ADIPOR2: variants seen among roughly 807,000 people sequenced by gnomAD.
ADIPOR2 encodes the protein adiponectin receptor protein 2.
Under a neutral mutation model 40.9 loss-of-function variants are expected in ADIPOR2, and 18 were observed. That is an observed-to-expected ratio of 0.44 (90% CI 0.30 to 0.65). The LOEUF (loss-of-function observed/expected upper bound fraction) is 0.65, where lower values mean the gene tolerates loss of function less well. ADIPOR2 is among the 30% of genes least tolerant of loss of function. ADIPOR2 has a pLI of 0.09. For missense variants in ADIPOR2, 283 were observed against 479.2 expected (o/e 0.59, Z 3.82); for synonymous variants, 165 against 166.4 (o/e 0.99, Z 0.06).
intron 1 of ADIPOR2, among the ~76,000 whole-genome samples, chr12:1,726,459 A>G (rs910868524): frequency 6.6e-6 from 1 of 152,178 alleles, no homozygotes; most frequent in South Asian, 2.1e-4. Flanking sequence ...TGGCCTCCCA[A>G]AGTGCTGGGA....
At chr12:1,698,206 TTGTGTGTGTG>T (rs35927419) in intron 1 of ADIPOR2, among the ~76,000 whole-genome samples, 39 of 148,210 alleles carry the variant, frequency 2.6e-4, no homozygotes, top group Admixed American at 6.1e-4. Context: ...TCTTGGCTGA[TTGTGTGTGTG>T]TGTGTGTGTG....
chr12:1,752,230 CTTTTTTTT>C (rs67598229), intron 1 of ADIPOR2, among the ~76,000 whole-genome samples: 3 of 74,864 alleles, frequency 4.0e-5, no homozygotes, highest in African/African-American at 1.7e-4. Context: ...CTCCTGGCCT[CTTTTTTTT>C]TTTTTTTTTT....
At chr12:1,725,462 C>G (rs560403459) in intron 1 of ADIPOR2, among the ~76,000 whole-genome samples, 139 of 152,194 alleles carry the variant, frequency 9.1e-4, no homozygotes, top group African/African-American at 3.3e-3. Flanking sequence ...AATCAATTCC[C>G]TGAAAAACTG....
chr12:1,693,926 G>T (rs1051392599), intron 1 of ADIPOR2, among the ~76,000 whole-genome samples: 1 of 152,118 alleles, frequency 6.6e-6, no homozygotes, highest in Non-Finnish European at 1.5e-5. Context: ...CTAGAAAGGG[G>T]CTTATGAACC....
intron 1 of ADIPOR2, 98 bp from the exon 2 acceptor site, chr12:1,754,160 G>A: frequency 4.3e-6 from 2 of 460,988 alleles, no homozygotes; most frequent in Non-Finnish European, 7.3e-6. Flanking sequence ...TTTTATTATT[G>A]ATTGCTGAGT....
At chr12:1,725,388 G>A (rs972473178) in intron 1 of ADIPOR2, among the ~76,000 whole-genome samples, 7 of 152,102 alleles carry the variant, frequency 4.6e-5, no homozygotes, top group African/African-American at 1.7e-4. Flanking sequence ...CCAAAGTGCT[G>A]GGATTACAGG....
In ADIPOR2 at chr12:1,729,572, CAA is replaced by C. The variant is rs527320766; in HGVS notation, c.-86-24684_-86-24683del. 3.4e-3 allele frequency among the ~76,000 whole-genome samples: 486 copies of C among 144,828 alleles called. 4 individuals carry two copies. The highest frequency in any genetic ancestry group is 9.7e-3 in the South Asian group (44 of 4,556). ...AAGTGATTCTCCTGCATTGACCTCC[CAA>C]AGTGTTGGGATTACAGGCATGAGCC... On this transcript the variant is annotated intron_variant, in intron 1 of 7. Transcript: ENST00000357103.
At chr12:1,746,867 A>G (rs1433805755) in intron 1 of ADIPOR2, among the ~76,000 whole-genome samples, 1 of 152,146 alleles carries the variant, frequency 6.6e-6, no homozygotes, top group Non-Finnish European at 1.5e-5. Flanking sequence ...TGTCTCTACT[A>G]AAAATTAAAA....
chr12:1,756,950 C>G (rs538210642), intron 2 of ADIPOR2, among the ~76,000 whole-genome samples: 2 of 152,020 alleles, frequency 1.3e-5, no homozygotes, highest in South Asian at 2.1e-4. Flanking sequence ...GTAGGGAAAT[C>G]AAGAGTGGTG....
At chr12:1,730,015 A>ACC (rs1410275062) in intron 1 of ADIPOR2, among the ~76,000 whole-genome samples, 1 of 152,180 alleles carries the variant, frequency 6.6e-6, no homozygotes, top group Non-Finnish European at 1.5e-5. Context: ...CAACAAAAAA[A>ACC]GGTGAGGGAA....
At chr12:1,772,421 CCTTT>C (rs1487522013) in intron 2 of ADIPOR2, among the ~76,000 whole-genome samples, 3 of 152,110 alleles carry the variant, frequency 2.0e-5, no homozygotes, top group East Asian at 1.9e-4. Flanking sequence ...GTTTTTCTCC[CCTTT>C]CTTTCTCTGC....
chr12:1,691,508 T>C (rs2094626913), intron 1 of ADIPOR2, among the ~76,000 whole-genome samples: 1 of 152,234 alleles, frequency 6.6e-6, no homozygotes, highest in African/African-American at 2.4e-5. Context: ...TGCTGCCCTC[T>C]GCTCACCTTC....
chr12:1,767,086 A>G (rs1360037813), intron 2 of ADIPOR2, among the ~76,000 whole-genome samples: 1 of 151,992 alleles, frequency 6.6e-6, no homozygotes, highest in African/African-American at 2.4e-5. Flanking sequence ...CCTGGCCAAC[A>G]TGGTGAAACC....
chr12:1,771,429 G>A (rs1862492595), intron 2 of ADIPOR2, among the ~76,000 whole-genome samples: 1 of 151,884 alleles, frequency 6.6e-6, no homozygotes, highest in South Asian at 2.1e-4. Context: ...GTGGGTAGCA[G>A]TAATGAAAGG....
intron 1 of ADIPOR2, among the ~76,000 whole-genome samples, chr12:1,737,159 A>G (rs1393533309): frequency 6.6e-6 from 1 of 152,236 alleles, no homozygotes; most frequent in Non-Finnish European, 1.5e-5. Flanking sequence ...GGCACCTGAC[A>G]GCATATATTT....
At chr12:1,714,711 C>A (rs2094684268) in intron 1 of ADIPOR2, among the ~76,000 whole-genome samples, 1 of 152,130 alleles carries the variant, frequency 6.6e-6, no homozygotes, top group African/African-American at 2.4e-5. Flanking sequence ...GAATTTGTCC[C>A]TTTCTTCGAC....
rs1862175174 is a variant in ADIPOR2, at chr12:1,757,878, A to G, written c.171+3364A>G. On this transcript the variant is annotated intron_variant, in intron 2 of 7. Transcript: ENST00000357103. ...TTACTTAAGTCTGTTCCTTAGGAAT[A>G]TGATGGGGAGACACTCTCTCAACTT... 4 of 816,908 alleles carry G rather than the reference A, an allele frequency of 4.9e-6. No individual in the cohort carries two copies. The East Asian group carries it at 7.3e-5, about 15-fold the overall frequency. The allele number at this position is 816,908 out of a possible 1,614,324, so 50.6% of individuals were successfully genotyped here.
intron 1 of ADIPOR2, among the ~76,000 whole-genome samples, chr12:1,742,493 C>G (rs2094745154): frequency 6.6e-6 from 1 of 152,172 alleles, no homozygotes; most frequent in Non-Finnish European, 1.5e-5. Flanking sequence ...CGAGAGCATT[C>G]AGAGATGCAC....
intron 1 of ADIPOR2, among the ~76,000 whole-genome samples, chr12:1,711,674 C>G (rs967753055): frequency 4.6e-5 from 7 of 151,362 alleles, no homozygotes. Flanking sequence ...CTGTCTCTTC[C>G]TCTCTCTGTT....
Sources: allele counts gnomAD v4.1 joint callset (sites outside exome capture counted in the v4.1 genomes callset), GRCh38; gene constraint gnomAD v4.1.1; transcripts MANE v1.5; gene names NCBI Gene and HGNC (gene_info 2026-07-23, HGNC 2026-07-21).